Variants in ABTB2 observed in about 807,000 individuals in gnomAD.
ABTB2 encodes ankyrin repeat and BTB/POZ domain-containing protein 2.
A neutral mutation model predicts 104.1 loss-of-function variants in ABTB2; 56 were observed. The observed-to-expected ratio is 0.54, with a 90% CI of 0.43 to 0.67. The LOEUF is 0.67. Among genes scored for constraint, ABTB2 ranks in the 30% least tolerant of loss-of-function variants. ABTB2 has a pLI of 0.00. For missense variants in ABTB2, 1,279 were observed against 1,407.7 expected (o/e 0.91, Z 1.46); for synonymous variants, 606 against 608.2 (o/e 1.00, Z 0.05).
At chr11:34,231,142 T>C (rs976315596) in intron 1 of ABTB2, among the ~76,000 whole-genome samples, 20 of 152,006 alleles carry the variant, frequency 1.3e-4, no homozygotes, top group Admixed American at 1.2e-3. Context: ...AAAGTAAGAG[T>C]GCTCAAAGAA....
At chr11:34,173,049 C>T (rs1852905848) in intron 4 of ABTB2, 106 bp downstream of exon 4, 5 of 1,418,598 alleles carry the variant, frequency 3.5e-6, no homozygotes, top group Non-Finnish European at 4.8e-6. Context: ...TGCTGCAGCC[C>T]CTGCTCTCTG....
intron 1 of ABTB2, among the ~76,000 whole-genome samples, chr11:34,342,441 C>T (rs1855272509): frequency 6.6e-6 from 1 of 152,180 alleles, no homozygotes; most frequent in Admixed American, 6.5e-5. Context: ...TGTGCTTCGT[C>T]CCCACCCAGG....
At chr11:34,208,469 T>C (rs2133042720) in intron 1 of ABTB2, among the ~76,000 whole-genome samples, 1 of 152,284 alleles carries the variant, frequency 6.6e-6, no homozygotes, top group Non-Finnish European at 1.5e-5. Flanking sequence ...TCTCGGAGTG[T>C]GGAGCAGTGA....
chr11:34,350,205 G>C (rs1314378437), intron 1 of ABTB2, among the ~76,000 whole-genome samples: 3 of 152,096 alleles, frequency 2.0e-5, no homozygotes, highest in African/African-American at 7.2e-5. Flanking sequence ...CCGAGATGGA[G>C]TCAGCAGCCG....
intron 3 of ABTB2, among the ~76,000 whole-genome samples, chr11:34,174,872 C>G (rs1304414870): frequency 3.3e-5 from 5 of 152,276 alleles, no homozygotes; most frequent in Non-Finnish European, 7.3e-5. Flanking sequence ...AGCCTCCCGG[C>G]TCCTGCCTGT....
At chr11:34,190,638 A>G (rs960540098) in intron 3 of ABTB2, among the ~76,000 whole-genome samples, 6 of 152,236 alleles carry the variant, frequency 3.9e-5, no homozygotes, top group Non-Finnish European at 8.8e-5. Context: ...AACTAGCAGT[A>G]GTGGTAATGC....
At chr11:34,243,199 C>G (rs536451017) in intron 1 of ABTB2, among the ~76,000 whole-genome samples, 3 of 152,122 alleles carry the variant, frequency 2.0e-5, no homozygotes. Context: ...AGCAAAGAGA[C>G]GTGTGAGAAC....
chr11:34,244,740 T>A (rs1853964672), intron 1 of ABTB2, among the ~76,000 whole-genome samples: 1 of 152,104 alleles, frequency 6.6e-6, no homozygotes, highest in African/African-American at 2.4e-5. Flanking sequence ...GGGTCCCTTA[T>A]AAGATTGTTG....
At chr11:34,274,704 A>G (rs1854363783) in intron 1 of ABTB2, among the ~76,000 whole-genome samples, 1 of 152,056 alleles carries the variant, frequency 6.6e-6, no homozygotes, top group African/African-American at 2.4e-5. Context: ...CATTGTGTCT[A>G]GGTGGGAGGT....
chr11:34,188,006 A>G (rs1326006770), intron 3 of ABTB2, among the ~76,000 whole-genome samples: 1 of 152,224 alleles, frequency 6.6e-6, no homozygotes, highest in Non-Finnish European at 1.5e-5. Flanking sequence ...GATTATTCTG[A>G]TAATAGCAGC....
intron 2 of ABTB2, among the ~76,000 whole-genome samples, chr11:34,197,780 T>G (rs1853281263): frequency 6.6e-6 from 1 of 152,182 alleles, no homozygotes; most frequent in African/African-American, 2.4e-5. Context: ...GCCTGTCTCC[T>G]CCAGAACTTA....
intron 3 of ABTB2, among the ~76,000 whole-genome samples, chr11:34,187,976 C>T (rs1008335039): frequency 4.6e-5 from 7 of 152,190 alleles, no homozygotes; most frequent in African/African-American, 1.4e-4. Context: ...TTGGCCTTCA[C>T]GCAGGCTTAT....
At chr11:34,294,949 C>T (rs947019411) in intron 1 of ABTB2, among the ~76,000 whole-genome samples, 1 of 151,928 alleles carries the variant, frequency 6.6e-6, no homozygotes, top group Non-Finnish European at 1.5e-5. Context: ...CTCCTGACCT[C>T]GTGATCCACC....
At chr11:34,243,669 T>C (rs1853949613) in intron 1 of ABTB2, among the ~76,000 whole-genome samples, 2 of 152,328 alleles carry the variant, frequency 1.3e-5, no homozygotes, top group South Asian at 2.1e-4. Context: ...CTCTTAACTT[T>C]CTTGAAGAGT....
chr11:34,340,372 C>T (rs1855248322), intron 1 of ABTB2, among the ~76,000 whole-genome samples: 1 of 152,204 alleles, frequency 6.6e-6, no homozygotes, highest in South Asian at 2.1e-4. Context: ...TAGCATCATC[C>T]CATTTAATTC....
At chr11:34,238,793 G>A (rs904968331) in intron 1 of ABTB2, among the ~76,000 whole-genome samples, 11 of 151,986 alleles carry the variant, frequency 7.2e-5, no homozygotes, top group South Asian at 4.2e-4. Context: ...TCACTCTGTC[G>A]CCGAGGCTGG....
In ABTB2 at chr11:34,356,655, G is replaced by A; in HGVS notation, c.883+46C>T. 6 of 1,500,392 alleles carry A rather than the reference G, an allele frequency of 4.0e-6. No individual in the cohort carries two copies. Among genetic ancestry groups the A allele is most frequent in the Non-Finnish European group, 5.4e-6 (6 of 1,117,230 alleles). 92.9% of individuals were successfully genotyped at this position (1,500,392 alleles called of 1,614,324 possible). A position where few individuals can be genotyped will look rare whatever the true frequency, so the allele number is the denominator to read the frequency against. On this transcript the variant is annotated intron_variant, in intron 1 of 16. Transcript: ENST00000435224. The surrounding 1 kb of genome is among the most constrained non-coding windows in gnomAD (Gnocchi z 4.6). ...TCACTCCCCCAGTAGCCCAGGGCGG[G>A]ATTTCTTGCCTACCCAGTCTGCCAG...
At position 34,358,010 on chromosome 11, in the gene ABTB2, C is replaced by T. The variant is rs548934109; in HGVS notation, c.-427G>A. ...CGAGAAAGCGCTCTGCAAACTTCTG[C>T]GCTGCGCCGGCCGGCAGCACAGCTG... On this transcript the variant is annotated 5_prime_UTR_variant, in exon 1 of 17. Coordinates refer to ENST00000435224, the MANE Select transcript of ABTB2 (RefSeq NM_145804.3). 51 of 165,630 alleles carry T rather than the reference C, an allele frequency of 3.1e-4. No individual in the cohort carries two copies. Among genetic ancestry groups the T allele is most frequent in the African/African-American group, 9.5e-4 (40 of 41,954 alleles). The allele number at this position is 165,630 out of a possible 1,614,324, so 10.3% of individuals were successfully genotyped here.
chr11:34,343,146 C>T (rs966007023), intron 1 of ABTB2, among the ~76,000 whole-genome samples: 1 of 151,814 alleles, frequency 6.6e-6, no homozygotes, highest in Non-Finnish European at 1.5e-5. Context: ...ATATGTTGCT[C>T]CCATTTTAGA....
Sources: allele counts gnomAD v4.1 joint callset (sites outside exome capture counted in the v4.1 genomes callset), GRCh38; gene constraint gnomAD v4.1.1; non-coding constraint Gnocchi (gnomAD v3.1); transcripts MANE v1.5; gene names NCBI Gene and HGNC (gene_info 2026-07-23, HGNC 2026-07-21).